DNAJC10: variants seen among roughly 807,000 people sequenced by gnomAD.
The protein encoded by DNAJC10 is endoplasmic reticulum disulfide reductase DNAJC10.
DNAJC10 carries 101 observed loss-of-function variants against 115.0 expected under a neutral mutation model. The ratio of observed to expected loss-of-function variants is 0.88; its 90% CI spans 0.75 to 1.04. DNAJC10 has a LOEUF of 1.04. Ranked by LOEUF, DNAJC10 falls within the 50% of genes least tolerant of loss-of-function variation. DNAJC10 has a pLI of 0.00. For synonymous variants in DNAJC10, 307 were observed against 301.5 expected (o/e 1.02, Z -0.19); for missense variants, 981 against 928.8 (o/e 1.06, Z -0.73).
chr2:182,731,108 G>A lies in DNAJC10; in HGVS notation c.805+1G>A. The A allele has an allele frequency of 6.2e-7, 1 of 1,605,500 alleles. No individual in the cohort carries two copies. The highest frequency in any genetic ancestry group is 1.1e-5 in the South Asian group (1 of 89,468). ...ATCACTTTTTGTTCAAAAGGAGGAG[G>A]TAATACTATTTTTTAATTTTGTTGG... On this transcript the variant is annotated splice_donor_variant, in intron 9 of 23. Transcript: ENST00000264065. LOFTEE classifies it high-confidence loss of function.
chr2:182,772,409 G>A (rs1199854667), intron 22 of DNAJC10, among the ~76,000 whole-genome samples: 2 of 152,160 alleles, frequency 1.3e-5, no homozygotes, highest in African/African-American at 2.4e-5. Context: ...AATATTAACA[G>A]TGTGGTGTTA....
In DNAJC10 at chr2:182,784,880, G is replaced by A. The variant is rs781535244; in HGVS notation, c.*7748G>A. On this transcript the variant is annotated 3_prime_UTR_variant, in exon 24 of 24. Transcript: ENST00000264065. The stretch of plus-strand genomic sequence containing the variant: ...GGATTTTAAGCAGAAATAACATCAG[G>A]TACCAGTAGATGGCAGTGAAAAATA... 1 of 152,092 alleles carries A rather than the reference G, an allele frequency of 6.6e-6. No homozygotes were observed. The highest frequency in any genetic ancestry group is 2.4e-5 in the African/African-American group (1 of 41,418). The allele number at this position is 152,092 out of a possible 1,614,324, so 9.4% of individuals were successfully genotyped here. A position where few individuals can be genotyped will look rare whatever the true frequency, so the allele number is the denominator to read the frequency against.
At chr2:182,728,546 C>G (rs1200004801) in intron 5 of DNAJC10, 30 bp from the exon 6 acceptor site, 1 of 1,506,258 alleles carries the variant, frequency 6.6e-7, no homozygotes, top group Non-Finnish European at 9.2e-7. Flanking sequence ...ATAAATAATT[C>G]TAAGTTGTTT....
chr2:182,769,260 A>G (rs1694498049), intron 22 of DNAJC10, among the ~76,000 whole-genome samples: 1 of 152,032 alleles, frequency 6.6e-6, no homozygotes, highest in Non-Finnish European at 1.5e-5. Flanking sequence ...GGTCTTTGCT[A>G]TTGTGAATAG....
At position 182,790,016 on chromosome 2, in the gene DNAJC10, A is replaced by G. The variant is rs1486079863; in HGVS notation, c.*12884A>G. ...ACTTTCCCATTTGGATGCCCTTTTC[A>G]TCCTTCACCTCATCCTGTAAACCCA... On this transcript the variant is annotated 3_prime_UTR_variant, in exon 24 of 24. Coordinates refer to ENST00000264065, the MANE Select transcript of DNAJC10 (RefSeq NM_018981.4). The G allele has an allele frequency of 6.6e-6, 1 of 152,090 alleles. No individual in the cohort carries two copies. The highest frequency in any genetic ancestry group is 2.4e-5 in the African/African-American group (1 of 41,420). The allele number at this position is 152,090 out of a possible 1,614,324, so 9.4% of individuals were successfully genotyped here.
intron 14 of DNAJC10, among the ~76,000 whole-genome samples, chr2:182,745,390 A>C (rs997452672): frequency 6.6e-6 from 1 of 152,210 alleles, no homozygotes; most frequent in Non-Finnish European, 1.5e-5. Context: ...CTCCTGCATT[A>C]TAATCACTCC....
chr2:182,728,361 C>T (rs933049612), intron 5 of DNAJC10, among the ~76,000 whole-genome samples: 14 of 152,090 alleles, frequency 9.2e-5, no homozygotes, highest in African/African-American at 3.4e-4. Flanking sequence ...GTTGGTTTGA[C>T]ATTTGAAATG....
At chr2:182,751,130 C>CT (rs773393648) in intron 14 of DNAJC10, among the ~76,000 whole-genome samples, 2,277 of 85,044 alleles carry the variant, frequency 0.027, 305 homozygotes, top group African/African-American at 0.076. Flanking sequence ...GAGATTTTGA[C>CT]TTTTTTTTTT....
chr2:182,746,973 T>C (rs1473019269), intron 14 of DNAJC10, among the ~76,000 whole-genome samples: 1 of 151,794 alleles, frequency 6.6e-6, no homozygotes, highest in Non-Finnish European at 1.5e-5. Context: ...CCCAGCACCA[T>C]TTATTAAATA....
intron 9 of DNAJC10, among the ~76,000 whole-genome samples, 200 bp downstream of exon 9, chr2:182,731,307 C>T (rs1009586688): frequency 6.6e-6 from 1 of 151,842 alleles, no homozygotes; most frequent in Non-Finnish European, 1.5e-5. Flanking sequence ...TTAATGTATC[C>T]TCTATGTTTT....
chr2:182,743,572 T>G, intron 13 of DNAJC10, 26 bp from the exon 14 acceptor site: 3 of 1,511,038 alleles, frequency 2.0e-6, no homozygotes, highest in Non-Finnish European at 2.8e-6. Context: ...AGTGTTTTTA[T>G]CAAATTTGAC....
Position 182,767,212 on chromosome 2 carries a change from A to G in DNAJC10, c.2265+4411A>G, listed in dbSNP as rs577825272. Among the ~76,000 whole-genome samples, 8 of 152,274 alleles carry G rather than the reference A, an allele frequency of 5.3e-5. No homozygotes were observed. The South Asian group carries it at 1.7e-3, about 32-fold the overall frequency. ...TACCACGCAGAGCGTACCGGTGCCC[A>G]GGTGGCCAAAATAGTAGCGTTAATA... On this transcript the variant is annotated intron_variant, in intron 22 of 23. Transcript: ENST00000264065.
chr2:182,772,310 A>G lies in DNAJC10; in HGVS notation c.2266-3006A>G, dbSNP rs537386504. Reference sequence around the variant, plus strand: ...TGTATATTCTGTTGATTTGGGGTGGAGAGTTCTGTGGTTGTCTATTAGGTC... The same window carrying G: ...TGTATATTCTGTTGATTTGGGGTGGGGAGTTCTGTGGTTGTCTATTAGGTC... On this transcript the variant is annotated intron_variant, in intron 22 of 23. Transcript: ENST00000264065. Among the ~76,000 whole-genome samples the G allele has an allele frequency of 2.0e-5, 3 of 152,262 alleles. No individual in the cohort carries two copies. The South Asian group carries it at 6.2e-4, about 32-fold the overall frequency.
intron 22 of DNAJC10, among the ~76,000 whole-genome samples, chr2:182,769,029 A>G (rs1694490203): frequency 6.6e-6 from 1 of 152,020 alleles, no homozygotes; most frequent in Non-Finnish European, 1.5e-5. Context: ...ACTGTGTCCA[A>G]GTGATCTCAT....
intron 14 of DNAJC10, among the ~76,000 whole-genome samples, 199 bp downstream of exon 14, chr2:182,743,911 C>T (rs1693799837): frequency 6.6e-6 from 1 of 152,172 alleles, no homozygotes; most frequent in East Asian, 1.9e-4. Context: ...AATGCCTTTT[C>T]TCTATTCAGT....
rs199830772 is a variant in DNAJC10, at chr2:182,722,901, C to CA, written c.418+835dup. On this transcript the variant is annotated intron_variant, in intron 5 of 23. Transcript: ENST00000264065. Reference sequence around the variant, plus strand: ...ATTGCAGTGAGCCATGATGGCACCACAAAAAAAAAGAAAACTAAAATAGCG... The same window carrying CA: ...ATTGCAGTGAGCCATGATGGCACCACAAAAAAAAAAGAAAACTAAAATAGCG... 4.4e-4 allele frequency among the ~76,000 whole-genome samples: 65 copies of CA among 147,512 alleles called. No homozygotes were observed. The East Asian group carries it at 0.012, about 28-fold the overall frequency.
At chr2:182,767,073 A>G (rs1694431544) in intron 22 of DNAJC10, among the ~76,000 whole-genome samples, 2 of 152,176 alleles carry the variant, frequency 1.3e-5, no homozygotes, top group Admixed American at 6.5e-5. Context: ...ACTAGAAAAA[A>G]TCTCTTCCTT....
chr2:182,731,811 C>T (rs1165435792), intron 9 of DNAJC10, among the ~76,000 whole-genome samples: 1 of 152,178 alleles, frequency 6.6e-6, no homozygotes, highest in East Asian at 1.9e-4. Context: ...AAGGCCTATG[C>T]TAGAAAGACA....
At chr2:182,756,173 C>G in intron 17 of DNAJC10, 141 bp from the exon 18 acceptor site, 1 of 654,116 alleles carries the variant, frequency 1.5e-6, no homozygotes, top group South Asian at 3.6e-5. Context: ...AAGATATATG[C>G]AAATATTCCA....
Sources: gnomAD v4.1 joint callset for allele counts (sites outside exome capture counted in the v4.1 genomes callset) on GRCh38, gnomAD v4.1.1 for gene constraint, MANE v1.5 for transcripts, NCBI Gene and HGNC (gene_info 2026-07-23, HGNC 2026-07-21) for gene names.